The following EBF2 variants were observed in gnomAD, a reference collection of about 807,000 sequenced individuals.
The protein encoded by EBF2 is transcription factor COE2.
Under a neutral mutation model 72.8 loss-of-function variants are expected in EBF2, and 21 were observed. The ratio of observed to expected loss-of-function variants is 0.29; its 90% CI spans 0.20 to 0.42. EBF2 has a LOEUF of 0.42. Ranked by LOEUF, EBF2 falls within the 10% of genes least tolerant of loss-of-function variation. EBF2 has a pLI of 1.00. For missense variants in EBF2, 637 were observed against 731.2 expected, an observed-to-expected ratio of 0.87 and a Z score of 1.49; for synonymous variants, 299 against 274.2, an observed-to-expected ratio of 1.09 and a Z score of -0.89.
chr8:26,040,017 G>C lies in EBF2; in HGVS notation c.482+11C>G, dbSNP rs201894345. On this transcript the variant is annotated intron_variant, in intron 5 of 15. Transcript: ENST00000520164. ...GCTCTCCAGGAAGGCCTGGGAAAAG[G>C]CGGCTCTTACCTACACATCACTTCG... 6.2e-7 allele frequency: 1 copy of C among 1,612,830 alleles called. No individual in the cohort carries two copies. The highest frequency in any genetic ancestry group is 8.5e-7 in the Non-Finnish European group (1 of 1,179,232).
At chr8:25,948,910 C>T (rs1271855769) in intron 6 of EBF2, among the ~76,000 whole-genome samples, 2 of 152,100 alleles carry the variant, frequency 1.3e-5, no homozygotes, top group Non-Finnish European at 2.9e-5. Context: ...GACCCCTGGG[C>T]GGCTGTGCGT....
At chr8:25,929,548 C>T (rs752007202) in intron 6 of EBF2, among the ~76,000 whole-genome samples, 1 of 152,082 alleles carries the variant, frequency 6.6e-6, no homozygotes, top group African/African-American at 2.4e-5. Context: ...TTCTTCCTAT[C>T]GGGTACTTTT....
intron 6 of EBF2, among the ~76,000 whole-genome samples, chr8:26,017,143 G>C (rs1017226546): frequency 7.0e-6 from 1 of 142,432 alleles, no homozygotes; most frequent in Non-Finnish European, 1.5e-5. Context: ...TTGCCATGCA[G>C]TCCCCTTATT....
At chr8:26,029,568 C>T (rs113925329) in intron 6 of EBF2, among the ~76,000 whole-genome samples, 47 of 152,284 alleles carry the variant, frequency 3.1e-4, no homozygotes, top group Non-Finnish European at 6.3e-4. Context: ...GGAACATGCA[C>T]ATTTCAAGGG....
chr8:26,000,056 T>A lies in EBF2; in HGVS notation c.551+33029A>T, dbSNP rs143745119. On this transcript the variant is annotated intron_variant, in intron 6 of 15. Transcript: ENST00000520164. Reference sequence around the variant, plus strand: ...TCATAACAGCGGGCCATGAAAATTGTAGACATCACAATTTTATTGTCCCAG... The same window carrying A: ...TCATAACAGCGGGCCATGAAAATTGAAGACATCACAATTTTATTGTCCCAG... Among the ~76,000 whole-genome samples, 45 of 152,286 alleles carry A rather than the reference T, an allele frequency of 3.0e-4. No individual in the cohort carries two copies. In the Middle Eastern group the frequency reaches 0.014, roughly 46 times the overall value.
rs374873333 is a variant in EBF2 at position 25,910,732 on chromosome 8, G to A, written c.552-2177C>T. ...AGTTTGACTCTTTGCTTGTCTGGGG[G>A]GCTGAATTTGTAACCTACACAGCCC... On this transcript the variant is annotated intron_variant, in intron 6 of 15. Transcript: ENST00000520164. Among the ~76,000 whole-genome samples, 31 of 152,050 alleles carry A rather than the reference G, an allele frequency of 2.0e-4. 1 individual carries two copies. The highest frequency in any genetic ancestry group is 1.5e-3 in the East Asian group (8 of 5,174).
At chr8:26,043,929 G>T (rs1333877521) in intron 1 of EBF2, among the ~76,000 whole-genome samples, 1 of 152,170 alleles carries the variant, frequency 6.6e-6, no homozygotes, top group Non-Finnish European at 1.5e-5. Context: ...TACTATCCCA[G>T]CACGCAGACG....
At chr8:25,979,909 C>G (rs559772364) in intron 6 of EBF2, among the ~76,000 whole-genome samples, 2 of 152,128 alleles carry the variant, frequency 1.3e-5, no homozygotes, top group African/African-American at 4.8e-5. Flanking sequence ...TCCCCTCCCC[C>G]TTTTAGCAAA....
At chr8:25,850,540 A>G in intron 15 of EBF2, 54 bp downstream of exon 15, 1 of 1,469,282 alleles carries the variant, frequency 6.8e-7, no homozygotes, top group Non-Finnish European at 9.0e-7. Context: ...GTTTGCTCTT[A>G]CTTTGCCAAC....
chr8:25,858,364 A>G lies in EBF2; in HGVS notation c.1483T>C (p.Ser495Pro), dbSNP rs1431732766. Residue 495 changes from serine (S) to proline (P), a missense_variant, in exon 14 of 16, where the codon TCA (serine) becomes CCA (proline). By Grantham distance (74) the Ser-to-Pro change is moderately conservative. Coordinates refer to ENST00000520164, the MANE Select transcript of EBF2 (RefSeq NM_022659.4). Reference protein sequence around the residue: ...VPMANLGVPGSPGFLNGSPTG... With the variant: ...VPMANLGVPGPPGFLNGSPTG... ...GGTGAGCCATTTAGAAATCCTGGTG[A>G]ACCTGGAACACCCAAGTTGGCCATG... 4.3e-6 allele frequency: 7 copies of G among 1,614,186 alleles called. No individual in the cohort carries two copies. The highest frequency in any genetic ancestry group is 5.1e-6 in the Non-Finnish European group (6 of 1,180,020).
chr8:25,931,897 A>T (rs1803487622), intron 6 of EBF2, among the ~76,000 whole-genome samples: 1 of 151,098 alleles, frequency 6.6e-6, no homozygotes, highest in Non-Finnish European at 1.5e-5. Flanking sequence ...TTATTATTAA[A>T]TATATTTTTT....
intron 6 of EBF2, among the ~76,000 whole-genome samples, chr8:25,912,236 AG>A (rs1407028211): frequency 6.6e-6 from 1 of 152,148 alleles, no homozygotes; most frequent in Non-Finnish European, 1.5e-5. Flanking sequence ...AAAGATCATA[AG>A]CTTGTAAGTG....
chr8:25,906,879 G>A (rs1803042208), intron 7 of EBF2, among the ~76,000 whole-genome samples: 1 of 152,152 alleles, frequency 6.6e-6, no homozygotes, highest in Admixed American at 6.5e-5. Context: ...GTTAAGTATT[G>A]TAATGAAAAA....
chr8:25,980,175 C>T (rs1272738780), intron 6 of EBF2, among the ~76,000 whole-genome samples: 2 of 152,136 alleles, frequency 1.3e-5, no homozygotes, highest in Non-Finnish European at 2.9e-5. Flanking sequence ...GGAGGGGCAT[C>T]CTTTACCCTC....
At chr8:26,024,754 C>T (rs1805272089) in intron 6 of EBF2, among the ~76,000 whole-genome samples, 1 of 152,122 alleles carries the variant, frequency 6.6e-6, no homozygotes, top group Non-Finnish European at 1.5e-5. Flanking sequence ...GATAATTGCC[C>T]TGACTTTTTT....
At chr8:26,026,961 C>T (rs913294139) in intron 6 of EBF2, among the ~76,000 whole-genome samples, 13 of 152,186 alleles carry the variant, frequency 8.5e-5, no homozygotes, top group African/African-American at 3.1e-4. Flanking sequence ...GCCCAACATA[C>T]AATAAGTGCC....
chr8:26,030,930 T>G (rs1281500645), intron 6 of EBF2, among the ~76,000 whole-genome samples: 2 of 152,246 alleles, frequency 1.3e-5, no homozygotes, highest in African/African-American at 2.4e-5. Flanking sequence ...CTTTCTTTTG[T>G]ACATGTAATA....
chr8:25,967,652 A>G (rs760273614), intron 6 of EBF2, among the ~76,000 whole-genome samples: 10 of 152,230 alleles, frequency 6.6e-5, no homozygotes, highest in Non-Finnish European at 1.5e-4. Flanking sequence ...TCAAAAGATC[A>G]TAAATCTATG....
At chr8:25,960,007 T>A (rs1804012048) in intron 6 of EBF2, among the ~76,000 whole-genome samples, 2 of 152,338 alleles carry the variant, frequency 1.3e-5, no homozygotes, top group South Asian at 4.1e-4. Context: ...TATTCACCTT[T>A]CCTGGGTTCT....
Sources: allele counts gnomAD v4.1 joint callset (sites outside exome capture counted in the v4.1 genomes callset), GRCh38; gene constraint gnomAD v4.1.1; transcripts MANE v1.5; gene names NCBI Gene and HGNC (gene_info 2026-07-23, HGNC 2026-07-21).